ZNF470: variants seen among roughly 807,000 people sequenced by gnomAD.
The protein encoded by ZNF470 is zinc finger protein 470, also known as chondrogenesis zinc finger protein 1.
ZNF470 carries 13 observed loss-of-function variants against 13.9 expected under a neutral mutation model. The observed-to-expected ratio is 0.94, with a 90% confidence interval of 0.61 to 1.49. The LOEUF is 1.49. Among genes scored for constraint, ZNF470 ranks in the 40% most tolerant of loss-of-function variants. The pLI, the probability that ZNF470 is intolerant of heterozygous loss-of-function variation, is 0.00. For missense variants in ZNF470, 929 were observed against 857.3 expected, an observed-to-expected ratio of 1.08 and a Z score of -1.04; for synonymous variants, 293 against 282.9, an observed-to-expected ratio of 1.04 and a Z score of -0.36.
Position 56,581,917 on chromosome 19 carries a change from CA to C in ZNF470, c.*3335del, listed in dbSNP as rs1287377149. 2.0e-6 allele frequency: 2 copies of C among 985,278 alleles called. No homozygotes were observed. Among genetic ancestry groups the C allele is most frequent in the African/African-American group, 3.5e-5 (2 of 57,234 alleles). 61.0% of individuals were successfully genotyped at this position (985,278 alleles called of 1,614,324 possible). ...TATTCTTTTGATTGGTCCTTGGAAC[CA>C]CCCTGGTTTTTGTACTTTCCAAGTC... On this transcript the variant is annotated 3_prime_UTR_variant, in exon 6 of 6. Coordinates refer to ENST00000330619, the MANE Select transcript of ZNF470 (RefSeq NM_001001668.4).
chr19:56,582,186 A>G lies in ZNF470; in HGVS notation c.*3603A>G. 1.0e-6 allele frequency: 1 copy of G among 985,432 alleles called. No homozygotes were observed. The highest frequency in any genetic ancestry group is 1.2e-6 in the Non-Finnish European group (1 of 829,924). 61.0% of individuals were successfully genotyped at this position (985,432 alleles called of 1,614,324 possible). The stretch of plus-strand genomic sequence containing the variant: ...GCGATGAGCAAACGCCTGATTATTC[A>G]TTATAGTCACCTGGGATGAATAGAG... On this transcript the variant is annotated 3_prime_UTR_variant, in exon 6 of 6. Coordinates refer to ENST00000330619, the MANE Select transcript of ZNF470 (RefSeq NM_001001668.4).
Position 56,567,706 on chromosome 19 carries a change from C to G in ZNF470, c.-491C>G. The stretch of plus-strand genomic sequence containing the variant: ...GGCGAGCGCGCGCGGGGATGGCGGC[C>G]CGGTGTGTGACTGTCCGGTGCGTGG... On this transcript the variant is annotated 5_prime_UTR_variant, in exon 1 of 6. Transcript: ENST00000330619. 2 of 988,416 alleles carry G rather than the reference C, an allele frequency of 2.0e-6. No individual in the cohort carries two copies. Among genetic ancestry groups the G allele is most frequent in the Non-Finnish European group, 2.4e-6 (2 of 832,414 alleles). 61.2% of individuals were successfully genotyped at this position (988,416 alleles called of 1,614,324 possible).
rs2044535502 is a variant in ZNF470, at chr19:56,581,456, G to A, written c.*2873G>A. On this transcript the variant is annotated 3_prime_UTR_variant, in exon 6 of 6. Transcript: ENST00000330619. ...CCAACATATACAAAGGTAGATAAATGTATTAGTGGCAAAAAAATTAATGGT... is the reference window on the plus strand; with the variant it reads ...CCAACATATACAAAGGTAGATAAATATATTAGTGGCAAAAAAATTAATGGT... The A allele has an allele frequency of 1.0e-6, 1 of 955,148 alleles. No homozygotes were observed. The highest frequency in any genetic ancestry group is 1.2e-6 in the Non-Finnish European group (1 of 802,534). 59.2% of individuals were successfully genotyped at this position (955,148 alleles called of 1,614,324 possible). A position where few individuals can be genotyped will look rare whatever the true frequency, so the allele number is the denominator to read the frequency against.
rs967384466 is a variant in ZNF470 at position 56,577,248 on chromosome 19, A to G, written c.819A>G (p.Gln273=). The G allele has an allele frequency of 6.2e-7, 1 of 1,611,814 alleles. No individual in the cohort carries two copies. Among genetic ancestry groups the G allele is most frequent in the Admixed American group, 1.7e-5 (1 of 59,688 alleles). The change falls in exon 6 of 6, where the codon CAA becomes CAG. Residue 273 remains glutamine, a synonymous_variant. Coordinates refer to ENST00000330619, the MANE Select transcript of ZNF470 (RefSeq NM_001001668.4). The part of the protein sequence containing the change: ...KAFSQSAHLA[Q]HQRIHTGEKP... ...TTAGCCAGAGTGCCCACCTTGCTCA[A>G]CATCAGAGAATACACACAGGAGAAA...
Position 56,577,365 on chromosome 19 carries a change from T to C in ZNF470, c.936T>C (p.Tyr312=), listed in dbSNP as rs149887871. 2.3e-5 allele frequency: 37 copies of C among 1,613,326 alleles called. No individual in the cohort carries two copies. Among genetic ancestry groups the C allele is most frequent in the African/African-American group, 2.0e-4 (15 of 74,898 alleles). Residue 312 remains tyrosine, a synonymous_variant, in exon 6 of 6, where the codon TAT becomes TAC. Transcript: ENST00000330619. ...HQRVHTGEKP[Y]QCKQCNKAFS... ...GAGTTCATACTGGAGAGAAACCTTATCAGTGTAAGCAGTGTAATAAAGCAT... is the reference window on the plus strand; with the variant it reads ...GAGTTCATACTGGAGAGAAACCTTACCAGTGTAAGCAGTGTAATAAAGCAT...
intron 2 of ZNF470, among the ~76,000 whole-genome samples, chr19:56,569,835 A>C (rs1284558713): frequency 1.3e-5 from 2 of 152,038 alleles, no homozygotes; most frequent in Non-Finnish European, 2.9e-5. Context: ...ATCAAAAGTA[A>C]AAAAACTAGC....
chr19:56,577,208 A>C lies in ZNF470; in HGVS notation c.779A>C (p.Glu260Ala). ...GGAGAGAAACCCTATGAATGTATTG[A>C]ATGTGGAAAGGCCTTTAGCCAGAGT... ...HTGEKPYECI[E>A]CGKAFSQSAH... is the part of the protein sequence containing the mutation. The change falls in exon 6 of 6, where the codon GAA becomes GCA. Residue 260 changes from glutamate to alanine, a missense_variant. Physicochemically the swap from Glu to Ala is moderately radical, Grantham distance 107. Transcript: ENST00000330619. 1 of 1,612,434 alleles carries C rather than the reference A, an allele frequency of 6.2e-7. No homozygotes were observed. The highest frequency in any genetic ancestry group is 1.1e-5 in the South Asian group (1 of 90,896).
At chr19:56,574,076 C>A in intron 3 of ZNF470, 1 of 463,290 alleles carries the variant, frequency 2.2e-6, no homozygotes, top group South Asian at 9.2e-5. Flanking sequence ...ACATGAATAG[C>A]ATTGCGTTAG....
In ZNF470 at chr19:56,577,180, A is replaced by G. The variant is rs1385050048; in HGVS notation, c.751A>G (p.Thr251Ala). 6 of 1,613,400 alleles carry G rather than the reference A, an allele frequency of 3.7e-6. No individual in the cohort carries two copies. The highest frequency in any genetic ancestry group is 4.2e-6 in the Non-Finnish European group (5 of 1,179,856). The change falls in exon 6 of 6, where the codon ACA becomes GCA. Residue 251 changes from threonine (T) to alanine (A), a missense_variant. By Grantham distance (58) the Thr-to-Ala change is moderately conservative. Coordinates refer to ENST00000330619, the MANE Select transcript of ZNF470 (RefSeq NM_001001668.4). Reference protein sequence around the residue: ...STLTLHQRIHTGEKPYECIEC... With the variant: ...STLTLHQRIHAGEKPYECIEC... The stretch of plus-strand genomic sequence containing the variant: ...CCTTACTCTTCACCAAAGAATTCAT[A>G]CAGGAGAGAAACCCTATGAATGTAT...
chr19:56,581,505 C>A lies in ZNF470; in HGVS notation c.*2922C>A. 1 of 858,696 alleles carries A rather than the reference C, an allele frequency of 1.2e-6. No individual in the cohort carries two copies. Among genetic ancestry groups the A allele is most frequent in the Non-Finnish European group, 1.4e-6 (1 of 715,334 alleles). 53.2% of individuals were successfully genotyped at this position (858,696 alleles called of 1,614,324 possible). ...GTAAACTATTAAAACAACAAGTGTC[C>A]ATCAGGGTAATAAATAAATTAATTA... On this transcript the variant is annotated 3_prime_UTR_variant, in exon 6 of 6. Coordinates refer to ENST00000330619, the MANE Select transcript of ZNF470 (RefSeq NM_001001668.4).
chr19:56,581,667 C>A lies in ZNF470; in HGVS notation c.*3084C>A, dbSNP rs1439949472. ...TAGTATAGGCCCATAATTGTGATAT[C>A]AAAAATAAAAATCAAAATATATATT... On this transcript the variant is annotated 3_prime_UTR_variant, in exon 6 of 6. Coordinates refer to ENST00000330619, the MANE Select transcript of ZNF470 (RefSeq NM_001001668.4). 37 of 973,318 alleles carry A rather than the reference C, an allele frequency of 3.8e-5. No homozygotes were observed. The highest frequency in any genetic ancestry group is 4.4e-5 in the Non-Finnish European group (36 of 819,106). The allele number at this position is 973,318 out of a possible 1,614,324, so 60.3% of individuals were successfully genotyped here.
chr19:56,574,579 C>T (rs1214754114), intron 4 of ZNF470, 59 bp downstream of exon 4: 2 of 1,611,202 alleles, frequency 1.2e-6, no homozygotes, highest in Admixed American at 3.4e-5. Flanking sequence ...ATGCCATTAT[C>T]AGAATTTCCC....
intron 2 of ZNF470, chr19:56,570,067 G>A: frequency 2.2e-6 from 1 of 462,118 alleles, no homozygotes; most frequent in Non-Finnish European, 3.9e-6. Flanking sequence ...TGGGGAGAGG[G>A]GGTCAAGAGA....
At position 56,568,039 on chromosome 19, in the gene ZNF470, G is replaced by GT; in HGVS notation, c.-159+2dup. On this transcript the variant is annotated splice_donor_variant, in intron 1 of 5. Transcript: ENST00000330619. LOFTEE classifies it low-confidence loss of function (5UTR_SPLICE). Reference sequence around the variant, plus strand: ...AAGACCATGGGGACTGAGTACACAGGTAAGAGTGACAGATGACGGATGTGG... The same window carrying GT: ...AAGACCATGGGGACTGAGTACACAGGTTAAGAGTGACAGATGACGGATGTGG... 1 of 985,808 alleles carries GT rather than the reference G, an allele frequency of 1.0e-6. No individual in the cohort carries two copies. The highest frequency in any genetic ancestry group is 1.7e-5 in the African/African-American group (1 of 57,376). The allele number at this position is 985,808 out of a possible 1,614,324, so 61.1% of individuals were successfully genotyped here. A position where few individuals can be genotyped will look rare whatever the true frequency, so the allele number is the denominator to read the frequency against.
At chr19:56,570,838 A>G (rs1206747378) in intron 3 of ZNF470, among the ~76,000 whole-genome samples, 1 of 152,192 alleles carries the variant, frequency 6.6e-6, no homozygotes, top group Non-Finnish European at 1.5e-5. Flanking sequence ...AGGGCCATTA[A>G]TAGCCCATAT....
Position 56,581,574 on chromosome 19 carries a change from A to T in ZNF470, c.*2991A>T, listed in dbSNP as rs1197371118. ...TAGGAATTATGCAGCTGTTGAAAAA[A>T]AATCAATGTGTGTAGTCATAGAAAG... is the stretch of plus-strand genomic sequence containing the variant. On this transcript the variant is annotated 3_prime_UTR_variant, in exon 6 of 6. Transcript: ENST00000330619. 7.5e-6 allele frequency: 6 copies of T among 804,592 alleles called. No homozygotes were observed. Among genetic ancestry groups the T allele is most frequent in the Non-Finnish European group, 6.0e-6 (4 of 665,438 alleles). 49.8% of individuals were successfully genotyped at this position (804,592 alleles called of 1,614,324 possible). A position where few individuals can be genotyped will look rare whatever the true frequency, so the allele number is the denominator to read the frequency against.
chr19:56,578,354 T>C lies in ZNF470; in HGVS notation c.1925T>C (p.Ile642Thr), dbSNP rs35077804. The change falls in exon 6 of 6, where the codon ATT becomes ACT. Residue 642 changes from isoleucine to threonine, a missense_variant. Coordinates refer to ENST00000330619, the MANE Select transcript of ZNF470 (RefSeq NM_001001668.4). The stretch of plus-strand genomic sequence containing the variant: ...AAATCCCTTACTCTGCATCAGAGAA[T>C]TCATACAGGAGAGAAACCTTATGAG... ...HRKSLTLHQR[I>T]HTGEKPYECK... 4.9e-3 allele frequency: 7,825 copies of C among 1,612,200 alleles called. 337 individuals carry two copies. In the African/African-American group the frequency reaches 0.092, roughly 19 times the overall value.
chr19:56,581,568 G>A lies in ZNF470; in HGVS notation c.*2985G>A, dbSNP rs2044536331. On this transcript the variant is annotated 3_prime_UTR_variant, in exon 6 of 6. Coordinates refer to ENST00000330619, the MANE Select transcript of ZNF470 (RefSeq NM_001001668.4). ...ATTCAATAGGAATTATGCAGCTGTT[G>A]AAAAAAAATCAATGTGTGTAGTCAT... 5 of 788,868 alleles carry A rather than the reference G, an allele frequency of 6.3e-6. No individual in the cohort carries two copies. The highest frequency in any genetic ancestry group is 4.6e-6 in the Non-Finnish European group (3 of 651,396). 48.9% of individuals were successfully genotyped at this position (788,868 alleles called of 1,614,324 possible).
In ZNF470 at chr19:56,581,868, C is replaced by T. The variant is rs528813111; in HGVS notation, c.*3285C>T. On this transcript the variant is annotated 3_prime_UTR_variant, in exon 6 of 6. Transcript: ENST00000330619. ...CATTTGGATCTGTGTCATCCAATGG[C>T]AACTCCCTAAAAGCTGATGCAGTTA... 10 of 985,362 alleles carry T rather than the reference C, an allele frequency of 1.0e-5. No homozygotes were observed. The highest frequency in any genetic ancestry group is 4.7e-5 in the South Asian group (1 of 21,292). The allele number at this position is 985,362 out of a possible 1,614,324, so 61.0% of individuals were successfully genotyped here.
Sources: allele counts gnomAD v4.1 joint callset (sites outside exome capture counted in the v4.1 genomes callset), GRCh38; gene constraint gnomAD v4.1.1; transcripts MANE v1.5; gene names NCBI Gene and HGNC (gene_info 2026-07-23, HGNC 2026-07-21).